Variants in FGF3 observed in about 807,000 individuals in gnomAD.
The protein encoded by FGF3 is FGF-3.
In FGF3, 7 loss-of-function variants were observed where a neutral mutation model predicts 9.8. That is an observed-to-expected ratio of 0.72 (90% CI 0.41 to 1.35). The LOEUF (loss-of-function observed/expected upper bound fraction) is 1.35, where lower values mean the gene tolerates loss of function less well. Among genes scored for constraint, FGF3 ranks in the 40% most tolerant of loss-of-function variants. The pLI, the probability that FGF3 is intolerant of heterozygous loss-of-function variation, is 0.01. For missense variants in FGF3, 390 were observed against 345.6 expected, an observed-to-expected ratio of 1.13 and a Z score of -1.02; for synonymous variants, 173 against 157.2, an observed-to-expected ratio of 1.10 and a Z score of -0.75.
chr11:69,817,056 G>C (rs1452703992), intron 1 of FGF3, among the ~76,000 whole-genome samples: 1 of 152,232 alleles, frequency 6.6e-6, no homozygotes, highest in Non-Finnish European at 1.5e-5. Context: ...AGCCCGCAGA[G>C]GGAAGCTGGA....
intron 1 of FGF3, 97 bp downstream of exon 1, chr11:69,818,617 C>T (rs536361081): frequency 2.9e-5 from 26 of 897,048 alleles, no homozygotes; most frequent in Non-Finnish European, 3.8e-5. Context: ...CCCTCCCCGG[C>T]GCCGCCTCCC....
chr11:69,818,441 G>C (rs1190805493), intron 1 of FGF3, among the ~76,000 whole-genome samples: 1 of 152,100 alleles, frequency 6.6e-6, no homozygotes, highest in Non-Finnish European at 1.5e-5. Flanking sequence ...CGCCCTCTTC[G>C]GACGTGAACG....
intron 2 of FGF3, among the ~76,000 whole-genome samples, chr11:69,814,503 G>A (rs895223560): frequency 6.6e-6 from 1 of 152,034 alleles, no homozygotes; most frequent in Non-Finnish European, 1.5e-5. Flanking sequence ...GCCAGACCAG[G>A]AGTGTCAGGG....
chr11:69,819,054 A>G lies in FGF3; in HGVS notation c.-121T>C. On this transcript the variant is annotated 5_prime_UTR_variant, in exon 1 of 3. Coordinates refer to ENST00000334134, the MANE Select transcript of FGF3 (RefSeq NM_005247.4). ...CGGGATCCCGCGCCTGGAGATGCTG[A>G]CTCCGGCTTCGCGGGAAAGGTGGGG... 1 of 496,296 alleles carries G rather than the reference A, an allele frequency of 2.0e-6. No individual in the cohort carries two copies. The highest frequency in any genetic ancestry group is 3.3e-6 in the Non-Finnish European group (1 of 305,864). The allele number at this position is 496,296 out of a possible 1,614,324, so 30.7% of individuals were successfully genotyped here.
At chr11:69,811,577 G>A (rs781848234) in intron 2 of FGF3, among the ~76,000 whole-genome samples, 1 of 152,168 alleles carries the variant, frequency 6.6e-6, no homozygotes, top group Non-Finnish European at 1.5e-5. Context: ...TCCATTAAAC[G>A]CTGCGCTCAG....
At position 69,809,970 on chromosome 11, in the gene FGF3, G is replaced by A. The variant is rs1554980241; in HGVS notation, c.*335C>T. The A allele has an allele frequency of 6.5e-6, 2 of 308,716 alleles. No individual in the cohort carries two copies. The highest frequency in any genetic ancestry group is 2.1e-5 in the African/African-American group (1 of 47,426). 19.1% of individuals were successfully genotyped at this position (308,716 alleles called of 1,614,324 possible). A position where few individuals can be genotyped will look rare whatever the true frequency, so the allele number is the denominator to read the frequency against. On this transcript the variant is annotated 3_prime_UTR_variant, in exon 3 of 3. Transcript: ENST00000334134. ...TCACGGTCTACCAAACGACAGAGTA[G>A]AATAAAATACTTTAATGTTGTGATG...
chr11:69,814,087 AAGGAG>A (rs1856088963), intron 2 of FGF3, among the ~76,000 whole-genome samples: 1 of 151,570 alleles, frequency 6.6e-6, no homozygotes, highest in Non-Finnish European at 1.5e-5. Flanking sequence ...AGAAGGAAGG[AAGGAG>A]AGGTGTATGG....
chr11:69,813,664 GTGGATGGCTGGATGGA>G (rs1856066711), intron 2 of FGF3, among the ~76,000 whole-genome samples: 26 of 108,226 alleles, frequency 2.4e-4, no homozygotes, highest in Admixed American at 4.4e-4. Flanking sequence ...GGATGGATGG[GTGGATGGCTGGATGGA>G]TGGATGGGTG....
rs1172572560 is a variant in FGF3, at chr11:69,813,720, G to A, written c.324+2600C>T. 8.7e-4 allele frequency among the ~76,000 whole-genome samples: 100 copies of A among 114,288 alleles called. 16 individuals carry two copies. The highest frequency in any genetic ancestry group is 1.3e-3 in the African/African-American group (39 of 29,042). 75.0% of individuals were successfully genotyped at this position (114,288 alleles called of 152,430 possible). On this transcript the variant is annotated intron_variant, in intron 2 of 2. Coordinates refer to ENST00000334134, the MANE Select transcript of FGF3 (RefSeq NM_005247.4). ...GATGGATAGGTGGATGGATGGATAG[G>A]TGGATGGATGGATGGGTGGATGGCT...
Position 69,810,069 on chromosome 11 carries a change from C to G in FGF3, c.*236G>C, listed in dbSNP as rs560875522. 5.1e-5 allele frequency: 25 copies of G among 491,676 alleles called. No homozygotes were observed. The highest frequency in any genetic ancestry group is 4.1e-4 in the African/African-American group (21 of 51,298). 30.5% of individuals were successfully genotyped at this position (491,676 alleles called of 1,614,324 possible). A position where few individuals can be genotyped will look rare whatever the true frequency, so the allele number is the denominator to read the frequency against. On this transcript the variant is annotated 3_prime_UTR_variant, in exon 3 of 3. Coordinates refer to ENST00000334134, the MANE Select transcript of FGF3 (RefSeq NM_005247.4). Reference sequence around the variant, plus strand: ...GCCAGGGCTGGCACTCAGGCCCTTCCCTGCCGGCTTCCTGCCACACAGACC... The same window carrying G: ...GCCAGGGCTGGCACTCAGGCCCTTCGCTGCCGGCTTCCTGCCACACAGACC...
rs528172510 is a variant in FGF3, at chr11:69,814,069, G to T, written c.324+2251C>A. Among the ~76,000 whole-genome samples, 23 of 151,996 alleles carry T rather than the reference G, an allele frequency of 1.5e-4. No individual in the cohort carries two copies. In the East Asian group the frequency reaches 2.5e-3, roughly 17 times the overall value. ...AGGATGGATGGAAAGAAGGATGAGA[G>T]AAAGGAAAGAAGGAAGGAAGGAGAG... is the stretch of plus-strand genomic sequence containing the variant. On this transcript the variant is annotated intron_variant, in intron 2 of 2. Transcript: ENST00000334134.
At chr11:69,813,808 G>GGA (rs1565115016) in intron 2 of FGF3, among the ~76,000 whole-genome samples, 261 of 24,406 alleles carry the variant, frequency 0.011, 5 homozygotes, top group Non-Finnish European at 0.017. Flanking sequence ...GGATGGATGG[G>GGA]TGGATGGGTG....
intron 2 of FGF3, among the ~76,000 whole-genome samples, chr11:69,812,204 A>G (rs1422943415): frequency 6.6e-6 from 1 of 152,088 alleles, no homozygotes; most frequent in Non-Finnish European, 1.5e-5. Context: ...GGAGGCCCTC[A>G]TGGTCTGTCC....
Position 69,810,326 on chromosome 11 carries a change from C to G in FGF3, c.699G>C (p.Gln233His). ...CCAGCTAGTGCGCACTGGCCTCCAG[C>G]TGGGAGCCCAGTCTCGAAGCCTGAA... The part of the protein sequence containing the change: ...SHVQASRLGS[Q>H]LEASAH Residue 233 changes from glutamine to histidine, a missense_variant, in exon 3 of 3, where the codon CAG becomes CAC. Gln to His is a conservative substitution (Grantham distance 24). Coordinates refer to ENST00000334134, the MANE Select transcript of FGF3 (RefSeq NM_005247.4). The G allele has an allele frequency of 6.4e-7, 1 of 1,567,746 alleles. No individual in the cohort carries two copies. The highest frequency in any genetic ancestry group is 2.3e-5 in the East Asian group (1 of 43,132).
chr11:69,815,341 A>AATGGGTGG (rs782288942), intron 2 of FGF3, among the ~76,000 whole-genome samples: 2 of 123,798 alleles, frequency 1.6e-5, no homozygotes, highest in Non-Finnish European at 1.7e-5. Flanking sequence ...TGGATGGGTG[A>AATGGGTGG]ATGGGTGGAT....
Position 69,818,657 on chromosome 11 carries a change from G to T in FGF3, c.220+57C>A. The T allele has an allele frequency of 5.3e-6, 7 of 1,330,322 alleles. No homozygotes were observed. In the South Asian group the frequency reaches 9.5e-5, roughly 18 times the overall value. 82.4% of individuals were successfully genotyped at this position (1,330,322 alleles called of 1,614,324 possible). A position where few individuals can be genotyped will look rare whatever the true frequency, so the allele number is the denominator to read the frequency against. ...GGGGCCCCGCAGCGCGCCTTCTCCC[G>T]GGCCCGACCCCTCCCGGCGCCGCTT... On this transcript the variant is annotated intron_variant, in intron 1 of 2. Transcript: ENST00000334134.
chr11:69,813,580 ATGGATAGATGGGTGGGT>A (rs1856061526), intron 2 of FGF3, among the ~76,000 whole-genome samples: 1 of 108,080 alleles, frequency 9.3e-6, no homozygotes, highest in African/African-American at 3.6e-5. Flanking sequence ...GGATGGATGG[ATGGATAGATGGGTGGGT>A]GGATGGATGG....
intron 2 of FGF3, among the ~76,000 whole-genome samples, chr11:69,811,705 T>C (rs1856034415): frequency 6.6e-6 from 1 of 152,106 alleles, no homozygotes; most frequent in Non-Finnish European, 1.5e-5. Context: ...ATGAGGCACA[T>C]GATCAATCAG....
rs782161007 is a variant in FGF3 at position 69,818,273 on chromosome 11, G to A, written c.220+441C>T. Among the ~76,000 whole-genome samples the A allele has an allele frequency of 4.4e-4, 67 of 152,300 alleles. 2 individuals are homozygous for A. Among genetic ancestry groups the A allele is most frequent in the Non-Finnish European group, 5.6e-4 (38 of 68,020 alleles). The stretch of plus-strand genomic sequence containing the variant: ...AAGTCGTCAAAATAATAAAGAGGAT[G>A]ATAAATGCCTTGTCCGGCTCCTTTT... On this transcript the variant is annotated intron_variant, in intron 1 of 2. Transcript: ENST00000334134.
Sources: allele counts gnomAD v4.1 joint callset (sites outside exome capture counted in the v4.1 genomes callset), GRCh38; gene constraint gnomAD v4.1.1; transcripts MANE v1.5; gene names NCBI Gene and HGNC (gene_info 2026-07-23, HGNC 2026-07-21).